CTNNBL1: variants seen among roughly 807,000 people sequenced by gnomAD.
The protein encoded by CTNNBL1 is beta-catenin-like protein 1.
Under a neutral mutation model 72.7 loss-of-function variants are expected in CTNNBL1, and 31 were observed. That is an observed-to-expected ratio of 0.43 (90% CI 0.32 to 0.58). The LOEUF is 0.58. Ranked by LOEUF, CTNNBL1 falls within the 20% of genes least tolerant of loss-of-function variation. CTNNBL1 has a pLI of 0.08. For synonymous variants in CTNNBL1, 240 were observed against 267.3 expected (o/e 0.90, Z 1.00); for missense variants, 534 against 725.1 (o/e 0.74, Z 3.03).
At chr20:37,733,575 A>G (rs967807934) in intron 2 of CTNNBL1, among the ~76,000 whole-genome samples, 2 of 152,074 alleles carry the variant, frequency 1.3e-5, no homozygotes, top group African/African-American at 4.8e-5. Context: ...CTTTCCACTC[A>G]TTCCTGCCTC....
At chr20:37,742,275 C>G (rs113964698) in intron 3 of CTNNBL1, among the ~76,000 whole-genome samples, 44 of 152,262 alleles carry the variant, frequency 2.9e-4, no homozygotes, top group Non-Finnish European at 4.7e-4. Context: ...TTTAAGTACC[C>G]TAAAACCACC....
At chr20:37,791,565 T>C (rs1470687576) in intron 10 of CTNNBL1, among the ~76,000 whole-genome samples, 2 of 152,222 alleles carry the variant, frequency 1.3e-5, no homozygotes, top group Non-Finnish European at 2.9e-5. Flanking sequence ...ATTTGTCTTA[T>C]TGAATTTTAA....
At chr20:37,735,299 G>A (rs1220395087) in intron 2 of CTNNBL1, among the ~76,000 whole-genome samples, 1 of 151,830 alleles carries the variant, frequency 6.6e-6, no homozygotes, top group African/African-American at 2.4e-5. Flanking sequence ...GTCTACTTAT[G>A]CCAGAGAACA....
Position 37,816,791 on chromosome 20 carries a change from A to T in CTNNBL1, c.1213+13743A>T, listed in dbSNP as rs7344903. Among the ~76,000 whole-genome samples, 453 of 143,470 alleles carry T rather than the reference A, an allele frequency of 3.2e-3. 2 individuals are homozygous for T. Among genetic ancestry groups the T allele is most frequent in the African/African-American group, 0.01 (404 of 39,506 alleles). The allele number at this position is 143,470 out of a possible 152,430, so 94.1% of individuals were successfully genotyped here. A position where few individuals can be genotyped will look rare whatever the true frequency, so the allele number is the denominator to read the frequency against. ...TTAAGCATGTCATTTTGATAATCACAAAAAAAAAAAAGCCTACAACTTTCT... is the reference window on the plus strand; with the variant it reads ...TTAAGCATGTCATTTTGATAATCACTAAAAAAAAAAAGCCTACAACTTTCT... On this transcript the variant is annotated intron_variant, in intron 11 of 15. Coordinates refer to ENST00000361383, the MANE Select transcript of CTNNBL1 (RefSeq NM_030877.5).
At chr20:37,738,484 C>T (rs1002930706) in intron 3 of CTNNBL1, among the ~76,000 whole-genome samples, 103 of 152,262 alleles carry the variant, frequency 6.8e-4, no homozygotes, top group African/African-American at 2.4e-3. Flanking sequence ...GGGACTTTCA[C>T]ATTTATACGA....
chr20:37,751,999 A>G (rs1281208884), intron 4 of CTNNBL1, among the ~76,000 whole-genome samples: 1 of 152,252 alleles, frequency 6.6e-6, no homozygotes, highest in African/African-American at 2.4e-5. Flanking sequence ...TGCTCTGAAG[A>G]TAAACATCTT....
chr20:37,714,530 G>A (rs1056891063), intron 1 of CTNNBL1, among the ~76,000 whole-genome samples: 8 of 152,314 alleles, frequency 5.3e-5, no homozygotes, highest in Middle Eastern at 3.4e-3. Flanking sequence ...CTTCATAAAA[G>A]CCTGATTCTA....
chr20:37,698,520 C>T (rs1404532531), intron 1 of CTNNBL1, among the ~76,000 whole-genome samples: 1 of 152,220 alleles, frequency 6.6e-6, no homozygotes, highest in Non-Finnish European at 1.5e-5. Context: ...CCAAAATCCA[C>T]CTCAGGACCT....
At chr20:37,739,136 TG>T (rs1171539138) in intron 3 of CTNNBL1, among the ~76,000 whole-genome samples, 1 of 151,830 alleles carries the variant, frequency 6.6e-6, no homozygotes, top group Non-Finnish European at 1.5e-5. Flanking sequence ...AAGTAATGCA[TG>T]AATAGATTGT....
At chr20:37,808,300 G>A (rs1253027661) in intron 11 of CTNNBL1, among the ~76,000 whole-genome samples, 2 of 152,286 alleles carry the variant, frequency 1.3e-5, no homozygotes, top group South Asian at 2.1e-4. Context: ...TGAGGAAATC[G>A]GGTCAGAGCT....
chr20:37,865,255 A>G (rs2072527306), intron 15 of CTNNBL1, among the ~76,000 whole-genome samples: 1 of 152,160 alleles, frequency 6.6e-6, no homozygotes, highest in South Asian at 2.1e-4. Context: ...GACTGACCAT[A>G]GCGCAAAGCA....
chr20:37,720,967 T>C (rs995418776), intron 1 of CTNNBL1, among the ~76,000 whole-genome samples: 20 of 152,184 alleles, frequency 1.3e-4, no homozygotes, highest in African/African-American at 4.8e-4. Flanking sequence ...TACTGGAGTA[T>C]GTGGAGGACT....
At chr20:37,807,438 G>A (rs2071969592) in intron 11 of CTNNBL1, among the ~76,000 whole-genome samples, 1 of 152,218 alleles carries the variant, frequency 6.6e-6, no homozygotes, top group Non-Finnish European at 1.5e-5. Flanking sequence ...ACTGGCCTGT[G>A]GTCTAATTGC....
At position 37,743,047 on chromosome 20, in the gene CTNNBL1, G is replaced by A. The variant is rs574756514; in HGVS notation, c.327-3421G>A. Among the ~76,000 whole-genome samples the A allele has an allele frequency of 1.1e-4, 16 of 151,910 alleles. No homozygotes were observed. In the East Asian group the frequency reaches 2.3e-3, roughly 22 times the overall value. Reference sequence around the variant, plus strand: ...TCAAACTCCCGACCTCAAGTGACCCGCCCACCTTGGCCTCCCAAAGTGCTG... The same window carrying A: ...TCAAACTCCCGACCTCAAGTGACCCACCCACCTTGGCCTCCCAAAGTGCTG... On this transcript the variant is annotated intron_variant, in intron 3 of 15. Coordinates refer to ENST00000361383, the MANE Select transcript of CTNNBL1 (RefSeq NM_030877.5).
At chr20:37,802,728 C>T (rs986214558) in intron 10 of CTNNBL1, 139 bp from the exon 11 acceptor site, 43 of 626,378 alleles carry the variant, frequency 6.9e-5, no homozygotes, top group Middle Eastern at 4.8e-4. Flanking sequence ...CTATTGTAGA[C>T]GTCTTCTCCT....
At chr20:37,850,322 A>T (rs745713667) in intron 13 of CTNNBL1, among the ~76,000 whole-genome samples, 1 of 152,208 alleles carries the variant, frequency 6.6e-6, no homozygotes, top group Non-Finnish European at 1.5e-5. Flanking sequence ...GCGTCATGCA[A>T]GCCCAAGGTT....
intron 4 of CTNNBL1, among the ~76,000 whole-genome samples, chr20:37,747,872 G>A (rs1409652459): frequency 6.6e-6 from 1 of 152,174 alleles, no homozygotes; most frequent in Non-Finnish European, 1.5e-5. Context: ...GATCAAAGGA[G>A]TGTATAAGTG....
At chr20:37,837,523 C>T (rs4811185) in intron 11 of CTNNBL1, among the ~76,000 whole-genome samples, 55,277 of 151,962 alleles carry the variant, frequency 0.36, 10,339 homozygotes, top group South Asian at 0.43. Flanking sequence ...AAATTGATGG[C>T]GCCCTCAGAA....
chr20:37,860,143 A>G, intron 14 of CTNNBL1, 107 bp downstream of exon 14: 2 of 1,502,170 alleles, frequency 1.3e-6, no homozygotes, highest in Non-Finnish European at 1.8e-6. Flanking sequence ...GCTCTCCTTG[A>G]ATTCCTTTAC....
Sources: gnomAD v4.1 joint callset for allele counts (sites outside exome capture counted in the v4.1 genomes callset) on GRCh38, gnomAD v4.1.1 for gene constraint, MANE v1.5 for transcripts, NCBI Gene and HGNC (gene_info 2026-07-23, HGNC 2026-07-21) for gene names.